NXPE2: variants seen among roughly 807,000 people sequenced by gnomAD.
NXPE2 encodes the protein neurexophilin and PC-esterase domain family member 2.
NXPE2 carries 34 observed loss-of-function variants against 34.4 expected under a neutral mutation model. That is an observed-to-expected ratio of 0.99 (90% CI 0.75 to 1.31). The LOEUF (loss-of-function observed/expected upper bound fraction) is 1.31. NXPE2 is among the 40% of genes most tolerant of loss of function. The pLI is 0.00. For synonymous variants in NXPE2, 235 were observed against 231.3 expected (o/e 1.02, Z -0.15); for missense variants, 649 against 672.5 (o/e 0.97, Z 0.39).
the NXPE2 span, among the ~76,000 whole-genome samples, chr11:114,765,469 A>G: frequency 6.6e-6 from 1 of 152,232 alleles, no homozygotes; most frequent in East Asian, 1.9e-4. Flanking sequence ...TTGCACATTT[A>G]ATAGACTACA....
chr11:114,606,401 A>C, the NXPE2 span, among the ~76,000 whole-genome samples: 4 of 151,980 alleles, frequency 2.6e-5, no homozygotes, highest in African/African-American at 9.6e-5. Flanking sequence ...AACCACTGTT[A>C]CCCGGTGGAT....
the NXPE2 span, among the ~76,000 whole-genome samples, chr11:114,618,279 T>G: frequency 1.3e-5 from 2 of 151,902 alleles, no homozygotes; most frequent in African/African-American, 2.4e-5. Context: ...ATAATAAGTA[T>G]TACCGCATGG....
the NXPE2 span, among the ~76,000 whole-genome samples, chr11:114,521,160 CTCTT>C: frequency 0.037 from 5,622 of 152,222 alleles, 158 homozygotes; most frequent in Non-Finnish European, 0.06. Flanking sequence ...TATTGATTTT[CTCTT>C]TAACAGGAAA....
chr11:114,783,328 G>C, the NXPE2 span, among the ~76,000 whole-genome samples: 1 of 152,148 alleles, frequency 6.6e-6, no homozygotes, highest in Non-Finnish European at 1.5e-5. Flanking sequence ...CTTCTCTACT[G>C]TTCCCACCTG....
At chr11:114,638,448 G>C in the NXPE2 span, among the ~76,000 whole-genome samples, 2 of 151,982 alleles carry the variant, frequency 1.3e-5, no homozygotes, top group Admixed American at 1.3e-4. Context: ...ATTGTCTGAA[G>C]CCTTCTTCTC....
chr11:114,689,316 A>AT (rs1396573512), intron 2 of NXPE2, among the ~76,000 whole-genome samples: 1 of 151,804 alleles, frequency 6.6e-6, no homozygotes, highest in Non-Finnish European at 1.5e-5. Flanking sequence ...ATTTTTTAAA[A>AT]TTTCTGCCTT....
chr11:114,776,231 C>T, the NXPE2 span, among the ~76,000 whole-genome samples: 2 of 152,236 alleles, frequency 1.3e-5, no homozygotes, highest in African/African-American at 4.8e-5. Context: ...TGTCCGGGCA[C>T]AGGAGAGCCC....
At chr11:114,678,484 C>A, upstream of NXPE2, 1 of 1,001,574 alleles carries the variant, frequency 1.0e-6, no homozygotes, top group Non-Finnish European at 1.5e-6. Flanking sequence ...CAATGAAGCT[C>A]ATAGGGAAAC....
the NXPE2 span, among the ~76,000 whole-genome samples, chr11:114,586,437 A>G: frequency 6.6e-6 from 1 of 152,156 alleles, no homozygotes; most frequent in Admixed American, 6.5e-5. Context: ...TCTGCTCTCC[A>G]TTTAAAAATC....
the NXPE2 span, among the ~76,000 whole-genome samples, chr11:114,545,620 C>T: frequency 6.6e-6 from 1 of 151,682 alleles, no homozygotes; most frequent in South Asian, 2.1e-4. Flanking sequence ...AGTGAAATTA[C>T]TGTGTATGAT....
At chr11:114,589,478 G>T in the NXPE2 span, among the ~76,000 whole-genome samples, 1 of 152,064 alleles carries the variant, frequency 6.6e-6, no homozygotes, top group Non-Finnish European at 1.5e-5. Flanking sequence ...AACCCCTTAG[G>T]TGCAGTTGGG....
At chr11:114,517,264 A>G in the NXPE2 span, among the ~76,000 whole-genome samples, 1 of 152,110 alleles carries the variant, frequency 6.6e-6, no homozygotes, top group Non-Finnish European at 1.5e-5. Context: ...TGGAAGACCT[A>G]GGTTTCCTGC....
the NXPE2 span, among the ~76,000 whole-genome samples, chr11:114,640,962 T>C: frequency 6.6e-6 from 1 of 151,972 alleles, no homozygotes; most frequent in Non-Finnish European, 1.5e-5. Context: ...GTAGAACACA[T>C]AGAGCAAGAA....
the NXPE2 span, chr11:114,570,697 G>T: frequency 3.0e-6 from 1 of 332,838 alleles, no homozygotes; most frequent in Non-Finnish European, 5.4e-6. Flanking sequence ...GGTGAAGAGG[G>T]GTATGGCTCT....
At chr11:114,613,482 G>A in the NXPE2 span, among the ~76,000 whole-genome samples, 29 of 151,740 alleles carry the variant, frequency 1.9e-4, no homozygotes, top group South Asian at 1.7e-3. Context: ...GTATTGCCTC[G>A]TGGGTAACCA....
the NXPE2 span, among the ~76,000 whole-genome samples, chr11:114,624,364 G>T: frequency 1.3e-5 from 2 of 152,026 alleles, no homozygotes; most frequent in Non-Finnish European, 2.9e-5. Flanking sequence ...TTGCCCCAGG[G>T]TAACCACTGT....
the NXPE2 span, among the ~76,000 whole-genome samples, chr11:114,725,362 G>A: frequency 6.6e-6 from 1 of 152,050 alleles, no homozygotes; most frequent in Non-Finnish European, 1.5e-5. Context: ...CTTTGACCTA[G>A]TTAAAGCTTC....
At chr11:114,657,579 A>G in the NXPE2 span, among the ~76,000 whole-genome samples, 932 of 152,306 alleles carry the variant, frequency 6.1e-3, 9 homozygotes, top group Non-Finnish European at 8.3e-3. Flanking sequence ...TTAATGTCGT[A>G]TAATAGGAAG....
chr11:114,588,356 A>T, the NXPE2 span, among the ~76,000 whole-genome samples: 2 of 152,262 alleles, frequency 1.3e-5, no homozygotes, highest in East Asian at 3.9e-4. Flanking sequence ...GACTTAGGCC[A>T]ATTTTCTGAT....
Sources: allele counts gnomAD v4.1 joint callset (sites outside exome capture counted in the v4.1 genomes callset), GRCh38; gene constraint gnomAD v4.1.1; transcripts MANE v1.5; gene names NCBI Gene and HGNC (gene_info 2026-07-23, HGNC 2026-07-21).